Variants in ADAM9 observed in about 807,000 individuals in gnomAD.
The protein encoded by ADAM9 is ADAM metallopeptidase domain 9.
In ADAM9, 54 loss-of-function variants were observed where a neutral mutation model predicts 108.1. That is an observed-to-expected ratio of 0.50 (90% CI 0.40 to 0.63). The LOEUF is 0.63. Ranked by LOEUF, ADAM9 falls within the 20% of genes least tolerant of loss-of-function variation. The probability of loss-of-function intolerance (pLI) is 0.00; values close to 1 mark genes in which losing one functional copy is unlikely to be tolerated. For synonymous variants in ADAM9, 316 were observed against 336.0 expected (o/e 0.94, Z 0.65); for missense variants, 830 against 997.7 (o/e 0.83, Z 2.26).
intron 11 of ADAM9, among the ~76,000 whole-genome samples, chr8:39,037,151 G>T (rs1212084963): frequency 1.1e-4 from 16 of 144,736 alleles, no homozygotes; most frequent in Admixed American, 5.7e-4. Context: ...CTGCCTCCCG[G>T]GTTCACGCCA....
intron 15 of ADAM9, 140 bp from the exon 16 acceptor site, chr8:39,077,088 C>T (rs563940748): frequency 5.5e-6 from 5 of 904,976 alleles, no homozygotes; most frequent in African/African-American, 3.3e-5. Flanking sequence ...GCTACTTTGA[C>T]CTCTCTTGCT....
At position 39,071,529 on chromosome 8, in the gene ADAM9, C is replaced by T. The variant is rs897133088; in HGVS notation, c.1697+126C>T. ...GTTGCCAGGCTGGAGTGCAGTGGCG[C>T]GATCTCGGCTCGCTGCACCCTCCGC... On this transcript the variant is annotated intron_variant, in intron 15 of 21. Coordinates refer to ENST00000487273, the MANE Select transcript of ADAM9 (RefSeq NM_003816.3). 3.9e-5 allele frequency: 32 copies of T among 818,758 alleles called. 1 individual carries two copies. The highest frequency in any genetic ancestry group is 1.3e-4 in the African/African-American group (7 of 54,838). 50.7% of individuals were successfully genotyped at this position (818,758 alleles called of 1,614,324 possible).
At chr8:39,050,489 C>T (rs904498956) in intron 12 of ADAM9, among the ~76,000 whole-genome samples, 3 of 148,586 alleles carry the variant, frequency 2.0e-5, no homozygotes, top group African/African-American at 7.5e-5. Flanking sequence ...GATAAGGTAA[C>T]CCGACTTTGA....
intron 14 of ADAM9, among the ~76,000 whole-genome samples, chr8:39,068,771 G>A (rs1225204583): frequency 6.8e-6 from 1 of 147,212 alleles, no homozygotes; most frequent in African/African-American, 2.5e-5. Flanking sequence ...ATAAGGCTGG[G>A]ACCTCAGTAT....
intron 7 of ADAM9, 62 bp downstream of exon 7, chr8:39,018,980 T>C (rs1836644098): frequency 7.0e-7 from 1 of 1,421,888 alleles, no homozygotes; most frequent in Non-Finnish European, 9.9e-7. Context: ...GAGCATTTAA[T>C]GAAGGAAATC....
chr8:39,080,681 T>C lies in ADAM9; in HGVS notation c.1882-1960T>C, dbSNP rs114578656. On this transcript the variant is annotated intron_variant, in intron 16 of 21. Coordinates refer to ENST00000487273, the MANE Select transcript of ADAM9 (RefSeq NM_003816.3). ...ACTTGGTACTTCTTCAGATCTGTAT[T>C]CTTTATATATTTATTCAACATTTAT... 3.2e-3 allele frequency among the ~76,000 whole-genome samples: 480 copies of C among 152,296 alleles called. 6 individuals are homozygous for C. Among genetic ancestry groups the C allele is most frequent in the African/African-American group, 0.011 (455 of 41,552 alleles).
chr8:39,016,657 C>T (rs1441979773), intron 5 of ADAM9, among the ~76,000 whole-genome samples: 2 of 152,184 alleles, frequency 1.3e-5, no homozygotes, highest in African/African-American at 4.8e-5. Context: ...GTCATGGCAA[C>T]ATGGCACTGT....
chr8:39,074,736 C>G (rs980602808), intron 15 of ADAM9, among the ~76,000 whole-genome samples: 1 of 151,866 alleles, frequency 6.6e-6, no homozygotes, highest in African/African-American at 2.4e-5. Context: ...ACTTTTAATC[C>G]AGAATACCTT....
chr8:39,025,237 T>G (rs1281646400), intron 9 of ADAM9, among the ~76,000 whole-genome samples: 1 of 152,128 alleles, frequency 6.6e-6, no homozygotes, highest in Non-Finnish European at 1.5e-5. Context: ...ATTACAGATG[T>G]GCGCCACCAT....
At chr8:39,000,433 C>A (rs185983676) in intron 1 of ADAM9, among the ~76,000 whole-genome samples, 14 of 151,876 alleles carry the variant, frequency 9.2e-5, no homozygotes, top group Admixed American at 9.2e-4. Flanking sequence ...CCTAAGTGAT[C>A]ATATGTGGGA....
intron 12 of ADAM9, among the ~76,000 whole-genome samples, chr8:39,047,025 G>A (rs1003590492): frequency 4.6e-5 from 7 of 152,108 alleles, no homozygotes; most frequent in Admixed American, 3.3e-4. Context: ...TGCGTAAGAC[G>A]CCCAGAGTGC....
At chr8:39,058,845 C>T (rs1020351606) in intron 14 of ADAM9, among the ~76,000 whole-genome samples, 2 of 152,182 alleles carry the variant, frequency 1.3e-5, no homozygotes, top group African/African-American at 4.8e-5. Flanking sequence ...AGTGGTGTTT[C>T]TCCCATTTCC....
intron 1 of ADAM9, among the ~76,000 whole-genome samples, chr8:39,002,375 G>A (rs1436055056): frequency 1.5e-5 from 2 of 136,938 alleles, no homozygotes; most frequent in Non-Finnish European, 3.0e-5. Context: ...CTGGGGTGCA[G>A]TGGCACAATC....
rs561491970 is a variant in ADAM9, at chr8:39,045,116, ATG to A, written c.1302+3008_1302+3009del. On this transcript the variant is annotated intron_variant, in intron 12 of 21. Coordinates refer to ENST00000487273, the MANE Select transcript of ADAM9 (RefSeq NM_003816.3). Reference sequence around the variant, plus strand: ...CATATGTGTGTGTGCATACATACATATGTGTGTGTGCATACATACATATATGT... The same window carrying A: ...CATATGTGTGTGTGCATACATACATATGTGTGTGCATACATACATATATGT... 3.4e-3 allele frequency among the ~76,000 whole-genome samples: 90 copies of A among 26,512 alleles called. 7 individuals carry two copies. The highest frequency in any genetic ancestry group is 0.011 in the East Asian group (5 of 438). The allele number at this position is 26,512 out of a possible 152,430, so 17.4% of individuals were successfully genotyped here. A position where few individuals can be genotyped will look rare whatever the true frequency, so the allele number is the denominator to read the frequency against.
intron 14 of ADAM9, among the ~76,000 whole-genome samples, chr8:39,066,118 C>CT (rs1314112695): frequency 6.6e-6 from 1 of 152,156 alleles, no homozygotes; most frequent in Non-Finnish European, 1.5e-5. Context: ...TCCATGGTGT[C>CT]TATGTGCCAC....
rs534373585 is a variant in ADAM9, at chr8:39,078,275, A to G, written c.1881+864A>G. On this transcript the variant is annotated intron_variant, in intron 16 of 21. Transcript: ENST00000487273. ...ATAAACAATGATAAGAGATATATAC[A>G]TTTAAGTTTTTGATAGTGCAATTTC... Among the ~76,000 whole-genome samples the G allele has an allele frequency of 2.0e-5, 3 of 151,576 alleles. No individual in the cohort carries two copies. In the South Asian group the frequency reaches 6.2e-4, roughly 31 times the overall value.
At chr8:39,072,068 A>G (rs1016595794) in intron 15 of ADAM9, among the ~76,000 whole-genome samples, 2 of 152,196 alleles carry the variant, frequency 1.3e-5, no homozygotes, top group Admixed American at 6.5e-5. Flanking sequence ...TCTGAACTTC[A>G]TTATTTTCTT....
chr8:39,045,451 C>T lies in ADAM9; in HGVS notation c.1302+3334C>T, dbSNP rs1019001025. 1.1e-4 allele frequency among the ~76,000 whole-genome samples: 16 copies of T among 148,510 alleles called. 4 individuals carry two copies. Among genetic ancestry groups the T allele is most frequent in the African/African-American group, 4.1e-4 (16 of 39,120 alleles). On this transcript the variant is annotated intron_variant, in intron 12 of 21. Coordinates refer to ENST00000487273, the MANE Select transcript of ADAM9 (RefSeq NM_003816.3). ...ACCTATATGTGCGCGTGTGTACACA[C>T]ACCTATATGTGCGTGTGTGTACACA...
intron 12 of ADAM9, among the ~76,000 whole-genome samples, chr8:39,049,098 A>T (rs1837870504): frequency 6.7e-6 from 1 of 149,578 alleles, no homozygotes; most frequent in African/African-American, 2.5e-5. Flanking sequence ...GGAAGGATTT[A>T]CTGTGATTGT....
Sources: allele counts gnomAD v4.1 joint callset (sites outside exome capture counted in the v4.1 genomes callset), GRCh38; gene constraint gnomAD v4.1.1; transcripts MANE v1.5; gene names NCBI Gene and HGNC (gene_info 2026-07-23, HGNC 2026-07-21).